The following PCNX4 variants were observed in gnomAD, a reference collection of about 807,000 sequenced individuals.
PCNX4 encodes the protein pecanex-like protein 4.
PCNX4 carries 103 observed loss-of-function variants against 107.2 expected under a neutral mutation model. The observed-to-expected ratio is 0.96, with a 90% CI of 0.82 to 1.13. PCNX4 has a LOEUF of 1.13. Among genes scored for constraint, PCNX4 ranks in the 50% most tolerant of loss-of-function variants. The pLI, the probability that PCNX4 is intolerant of heterozygous loss-of-function variation, is 0.00. For synonymous variants in PCNX4, 541 were observed against 481.7 expected, an observed-to-expected ratio of 1.12 and a Z score of -1.61; for missense variants, 1,528 against 1,379.4, an observed-to-expected ratio of 1.11 and a Z score of -1.71.
At position 60,121,220 on chromosome 14, in the gene PCNX4, A is replaced by G; in HGVS notation, c.1967A>G (p.Tyr656Cys). 6.4e-6 allele frequency: 10 copies of G among 1,557,002 alleles called. No homozygotes were observed. Among genetic ancestry groups the G allele is most frequent in the Non-Finnish European group, 7.8e-6 (9 of 1,156,848 alleles). The change falls in exon 8 of 11, where the codon TAC becomes TGC. Residue 656 changes from tyrosine (Y) to cysteine (C), a missense_variant. Coordinates refer to ENST00000406854, the MANE Select transcript of PCNX4 (RefSeq NM_001330177.2). The part of the protein sequence containing the change: ...SLGLLLPGSH[Y>C]LGRFQDRLMW... ...GGTCTCCTCCTACCTGGATCTCATT[A>G]CTTGGGCCGTTTTCAGGATCGTTTA...
Position 60,114,781 on chromosome 14 carries a change from A to G in PCNX4, c.771A>G (p.Ala257=), listed in dbSNP as rs771399779. ...TTGTATTTTTACCCTTTCTGTGGGC[A>G]CTTGGGACTCTGCCCCCACCCGATG... ...ILFVFLPFLW[A]LGTLPPPDAL... is the part of the protein sequence containing the mutation. Residue 257 remains alanine (A), a synonymous_variant, in exon 3 of 11, where the codon GCA becomes GCG. Coordinates refer to ENST00000406854, the MANE Select transcript of PCNX4 (RefSeq NM_001330177.2). 1.2e-6 allele frequency: 2 copies of G among 1,613,812 alleles called. No individual in the cohort carries two copies. Among genetic ancestry groups the G allele is most frequent in the Non-Finnish European group, 8.5e-7 (1 of 1,179,852 alleles).
At chr14:60,122,463 C>T (rs925587867) in intron 8 of PCNX4, among the ~76,000 whole-genome samples, 1 of 152,010 alleles carries the variant, frequency 6.6e-6, no homozygotes, top group African/African-American at 2.4e-5. Flanking sequence ...TGCATATAAT[C>T]ACCTAACTCC....
At chr14:60,133,169 A>G (rs1896185020) in intron 10 of PCNX4, among the ~76,000 whole-genome samples, 1 of 152,234 alleles carries the variant, frequency 6.6e-6, no homozygotes, top group Non-Finnish European at 1.5e-5. Context: ...ATTATTCTTA[A>G]TTGCTGTAAG....
chr14:60,106,763 G>A (rs1895637629), intron 1 of PCNX4, among the ~76,000 whole-genome samples: 1 of 61,470 alleles, frequency 1.6e-5, no homozygotes. Flanking sequence ...TGGAAGAAAG[G>A]CTATTTAATT....
intron 6 of PCNX4, among the ~76,000 whole-genome samples, chr14:60,118,081 A>C (rs1895883622): frequency 6.7e-6 from 1 of 150,122 alleles, no homozygotes; most frequent in African/African-American, 2.4e-5. Context: ...GCCTTAAAGC[A>C]TAGTTAGTAC....
intron 1 of PCNX4, among the ~76,000 whole-genome samples, chr14:60,099,119 A>G (rs1375550839): frequency 1.3e-5 from 2 of 152,186 alleles, no homozygotes; most frequent in Non-Finnish European, 2.9e-5. Context: ...AACTTCATGT[A>G]TGCATACTTT....
At chr14:60,112,401 A>G (rs549175326) in intron 2 of PCNX4, among the ~76,000 whole-genome samples, 13 of 152,190 alleles carry the variant, frequency 8.5e-5, no homozygotes, top group African/African-American at 1.4e-4. Flanking sequence ...ACATTATCAT[A>G]AGTATTAGAA....
Position 60,116,048 on chromosome 14 carries a change from C to CA in PCNX4, c.1567dup (p.Arg523LysfsTer10), listed in dbSNP as rs1895843260. ...GGAACAGAAGCCTGGATACAGGACT[C>CA]AGACTCTTACTGGTAAGTGTGTCTT... On this transcript the variant is annotated frameshift_variant, in exon 6 of 11. Transcript: ENST00000406854. LOFTEE classifies it high-confidence loss of function. The CA allele has an allele frequency of 1.2e-6, 2 of 1,606,714 alleles. No individual in the cohort carries two copies. Among genetic ancestry groups the CA allele is most frequent in the Non-Finnish European group, 1.7e-6 (2 of 1,177,052 alleles).
At chr14:60,096,640 T>C (rs1381430980) in intron 1 of PCNX4, among the ~76,000 whole-genome samples, 1 of 152,208 alleles carries the variant, frequency 6.6e-6, no homozygotes, top group Non-Finnish European at 1.5e-5. Flanking sequence ...AATAAATAAC[T>C]GATCATTGGC....
chr14:60,110,653 C>G (rs140324773), intron 2 of PCNX4: 1 of 167,216 alleles, frequency 6.0e-6, no homozygotes, highest in East Asian at 1.9e-4. Context: ...AGATTCACAG[C>G]TGGAGAGGAA....
At chr14:60,099,194 T>C (rs1213706297) in intron 1 of PCNX4, among the ~76,000 whole-genome samples, 2 of 152,212 alleles carry the variant, frequency 1.3e-5, no homozygotes, top group African/African-American at 2.4e-5. Context: ...AGTTCTTTCA[T>C]ATCATGCTTT....
chr14:60,118,290 T>A, intron 6 of PCNX4, 39 bp from the exon 7 acceptor site: 1 of 1,497,226 alleles, frequency 6.7e-7, no homozygotes, highest in Non-Finnish European at 8.9e-7. Context: ...ATGAAAAATC[T>A]TCTAAGGATA....
At chr14:60,110,068 A>G (rs118175146) in intron 2 of PCNX4, 3,297 of 167,202 alleles carry the variant, frequency 0.02, 45 homozygotes, top group Non-Finnish European at 0.029. Context: ...CATATTGTAA[A>G]ACATGAGAAA....
At chr14:60,131,035 TTC>T (rs1896145571) in intron 10 of PCNX4, among the ~76,000 whole-genome samples, 1 of 136,710 alleles carries the variant, frequency 7.3e-6, no homozygotes, top group African/African-American at 3.3e-5. Flanking sequence ...CTTCCTGTCT[TTC>T]TGCTTAGAAC....
rs140206149 is a variant in PCNX4, at chr14:60,114,336, AG to A, written c.690-360del. Among the ~76,000 whole-genome samples the A allele has an allele frequency of 2.9e-3, 442 of 152,358 alleles. 3 individuals carry two copies. The highest frequency in any genetic ancestry group is 0.01 in the African/African-American group (424 of 41,592). ...AGCCAATGTAGTAGTTTAGACATTT[AG>A]GGGAGAAATGTTTTTGCTCTGGCCT... On this transcript the variant is annotated intron_variant, in intron 2 of 10. Transcript: ENST00000406854.
At chr14:60,121,429 A>T in intron 8 of PCNX4, 130 bp downstream of exon 8, 1 of 960,812 alleles carries the variant, frequency 1.0e-6, no homozygotes, top group Non-Finnish European at 1.5e-6. Context: ...ACACCTAGGG[A>T]TTTTTAAAGT....
In PCNX4 at chr14:60,141,570, A is replaced by C. The variant is rs1027882489; in HGVS notation, c.*7349A>C. 1 of 152,256 alleles carries C rather than the reference A, an allele frequency of 6.6e-6. No homozygotes were observed. Among genetic ancestry groups the C allele is most frequent in the African/African-American group, 2.4e-5 (1 of 41,466 alleles). The allele number at this position is 152,256 out of a possible 1,614,324, so 9.4% of individuals were successfully genotyped here. On this transcript the variant is annotated 3_prime_UTR_variant, in exon 11 of 11. Transcript: ENST00000406854. Reference sequence around the variant, plus strand: ...ACCACAAACTATTAAAACTCAACCAAGATGAAATAATCTGAATATCCTATA... The same window carrying C: ...ACCACAAACTATTAAAACTCAACCACGATGAAATAATCTGAATATCCTATA...
rs1196777696 is a variant in PCNX4, at chr14:60,137,673, CTA to C, written c.*3454_*3455del. On this transcript the variant is annotated 3_prime_UTR_variant, in exon 11 of 11. Transcript: ENST00000406854. Reference sequence around the variant, plus strand: ...CTATACAACACAGGGTCTAAAATTACTATGTTTAGTGTGTTTAAAGATCTAAA... The same window carrying C: ...CTATACAACACAGGGTCTAAAATTACTGTTTAGTGTGTTTAAAGATCTAAA... The C allele has an allele frequency of 6.6e-6, 1 of 152,150 alleles. No individual in the cohort carries two copies. The highest frequency in any genetic ancestry group is 1.9e-4 in the East Asian group (1 of 5,200). The allele number at this position is 152,150 out of a possible 1,614,324, so 9.4% of individuals were successfully genotyped here.
At chr14:60,106,408 A>C (rs1895630397) in intron 1 of PCNX4, among the ~76,000 whole-genome samples, 1 of 152,152 alleles carries the variant, frequency 6.6e-6, no homozygotes, top group Non-Finnish European at 1.5e-5. Context: ...AAATCTGTAC[A>C]TGTTCAGTAC....
Sources: allele counts gnomAD v4.1 joint callset (sites outside exome capture counted in the v4.1 genomes callset), GRCh38; gene constraint gnomAD v4.1.1; transcripts MANE v1.5; gene names NCBI Gene and HGNC (gene_info 2026-07-23, HGNC 2026-07-21).